Variants in XYLT1 observed in about 807,000 individuals in gnomAD.
XYLT1 encodes xylosyltransferase 1, also known as beta-D-xylosyltransferase 1.
Under a neutral mutation model 91.3 loss-of-function variants are expected in XYLT1, and 36 were observed. The observed-to-expected ratio is 0.39, with a 90% CI of 0.30 to 0.52. XYLT1 has a LOEUF of 0.52. Ranked by LOEUF, XYLT1 falls within the 20% of genes least tolerant of loss-of-function variation. XYLT1 has a pLI of 0.68. For missense variants in XYLT1, 1,242 were observed against 1,284.5 expected, an observed-to-expected ratio of 0.97 and a Z score of 0.51; for synonymous variants, 588 against 532.0, an observed-to-expected ratio of 1.11 and a Z score of -1.45.
At chr16:17,372,353 A>C (rs1467118962) in intron 1 of XYLT1, among the ~76,000 whole-genome samples, 1 of 152,234 alleles carries the variant, frequency 6.6e-6, no homozygotes, top group African/African-American at 2.4e-5. Context: ...CAGACTTCAA[A>C]AATTAAGGCT....
At chr16:17,204,554 G>A (rs192407999) in intron 3 of XYLT1, among the ~76,000 whole-genome samples, 69 of 152,172 alleles carry the variant, frequency 4.5e-4, no homozygotes, top group African/African-American at 1.7e-3. Flanking sequence ...GGATGGGGAT[G>A]GGGGGCAGAG....
Position 17,286,506 on chromosome 16 carries a change from A to G in XYLT1, c.403-27008T>C, listed in dbSNP as rs74010576. ...ACTGTCACTTTCTTAGCCCAGGTCA[A>G]CCTGTCACCCATGTGGATCCTTGAT... On this transcript the variant is annotated intron_variant, in intron 2 of 11. Transcript: ENST00000261381. 3.6e-3 allele frequency among the ~76,000 whole-genome samples: 548 copies of G among 152,288 alleles called. 2 individuals are homozygous for G. Among genetic ancestry groups the G allele is most frequent in the African/African-American group, 0.012 (506 of 41,566 alleles).
intron 5 of XYLT1, among the ~76,000 whole-genome samples, chr16:17,159,806 G>T (rs538071625): frequency 2.6e-5 from 4 of 152,208 alleles, no homozygotes; most frequent in Non-Finnish European, 1.5e-5. Flanking sequence ...ATCCGCTTGC[G>T]CATACAGCTG....
At chr16:17,221,687 T>A (rs1012292612) in intron 3 of XYLT1, among the ~76,000 whole-genome samples, 8 of 152,236 alleles carry the variant, frequency 5.3e-5, no homozygotes, top group Middle Eastern at 3.4e-3. Flanking sequence ...TGCAGTGAGC[T>A]ATGATCACGC....
chr16:17,166,819 C>T (rs1312185616), intron 5 of XYLT1, among the ~76,000 whole-genome samples: 1 of 152,034 alleles, frequency 6.6e-6, no homozygotes, highest in Non-Finnish European at 1.5e-5. Flanking sequence ...GGCCCATCAT[C>T]CACTTCTGTA....
At chr16:17,395,265 C>A (rs955278942) in intron 1 of XYLT1, among the ~76,000 whole-genome samples, 1 of 152,162 alleles carries the variant, frequency 6.6e-6, no homozygotes, top group African/African-American at 2.4e-5. Context: ...CAAGTCCCTC[C>A]TTTGGCACAT....
chr16:17,449,466 C>A (rs895793854), intron 1 of XYLT1, among the ~76,000 whole-genome samples: 2 of 152,234 alleles, frequency 1.3e-5, no homozygotes, highest in Admixed American at 1.3e-4. Flanking sequence ...CCCTGTCTGG[C>A]TGGTCTTCAG....
chr16:17,272,104 G>A (rs1297104286), intron 2 of XYLT1, among the ~76,000 whole-genome samples: 1 of 151,524 alleles, frequency 6.6e-6, no homozygotes, highest in Non-Finnish European at 1.5e-5. Context: ...TTGGGCAGTG[G>A]ATAGTCTTTG....
intron 1 of XYLT1, among the ~76,000 whole-genome samples, chr16:17,417,075 T>A (rs369238037): frequency 9.2e-5 from 14 of 152,248 alleles, no homozygotes; most frequent in African/African-American, 2.2e-4. Flanking sequence ...CGTAACTTTG[T>A]AAGCTCAGTT....
chr16:17,111,020 C>T (rs903312549), intron 11 of XYLT1, among the ~76,000 whole-genome samples: 3 of 152,036 alleles, frequency 2.0e-5, no homozygotes, highest in East Asian at 1.9e-4. Flanking sequence ...ATAAGCCGGG[C>T]GTGATGGCTG....
intron 9 of XYLT1, among the ~76,000 whole-genome samples, chr16:17,131,522 G>A (rs2030476431): frequency 6.6e-6 from 1 of 152,140 alleles, no homozygotes; most frequent in African/African-American, 2.4e-5. Context: ...CACCCTGCAG[G>A]GGGCACACTG....
At chr16:17,378,533 G>A (rs1478784457) in intron 1 of XYLT1, among the ~76,000 whole-genome samples, 2 of 152,142 alleles carry the variant, frequency 1.3e-5, no homozygotes, top group African/African-American at 4.8e-5. Context: ...CTAGCAAGAT[G>A]TCTCCTTCTA....
In XYLT1 at chr16:17,105,937, C is replaced by G. The variant is rs1966768157; in HGVS notation, c.*2758G>C. 6.6e-6 allele frequency: 1 copy of G among 151,016 alleles called. No homozygotes were observed. Among genetic ancestry groups the G allele is most frequent in the African/African-American group, 2.4e-5 (1 of 41,032 alleles). 9.4% of individuals were successfully genotyped at this position (151,016 alleles called of 1,614,324 possible). A position where few individuals can be genotyped will look rare whatever the true frequency, so the allele number is the denominator to read the frequency against. On this transcript the variant is annotated 3_prime_UTR_variant, in exon 12 of 12. Coordinates refer to ENST00000261381, the MANE Select transcript of XYLT1 (RefSeq NM_022166.4). Reference sequence around the variant, plus strand: ...TTTCCTTAAAAAAAAAAACAAAACACAAAAACACAACAAATGTAATATCTG... The same window carrying G: ...TTTCCTTAAAAAAAAAAACAAAACAGAAAAACACAACAAATGTAATATCTG...
chr16:17,293,785 G>A (rs574685692), intron 2 of XYLT1, among the ~76,000 whole-genome samples: 5 of 152,218 alleles, frequency 3.3e-5, no homozygotes, highest in Admixed American at 2.6e-4. Context: ...CACCACGCCC[G>A]GCCAGAATCT....
intron 1 of XYLT1, among the ~76,000 whole-genome samples, chr16:17,386,083 T>A (rs888003974): frequency 6.6e-6 from 1 of 152,192 alleles, no homozygotes; most frequent in South Asian, 2.1e-4. Context: ...GGAAAACCGG[T>A]ATCGCTTTAA....
chr16:17,289,835 AG>A (rs1233448917), intron 2 of XYLT1, among the ~76,000 whole-genome samples: 1 of 152,232 alleles, frequency 6.6e-6, no homozygotes, highest in Non-Finnish European at 1.5e-5. Flanking sequence ...GGAAAGTCTA[AG>A]AGCTGTTTCA....
At chr16:17,122,073 CA>C (rs2141489471) in intron 10 of XYLT1, among the ~76,000 whole-genome samples, 1 of 152,192 alleles carries the variant, frequency 6.6e-6, no homozygotes, top group African/African-American at 2.4e-5. Flanking sequence ...CATGCGTGTG[CA>C]AGAATCTTTT....
At chr16:17,109,924 C>G (rs559800661) in intron 11 of XYLT1, among the ~76,000 whole-genome samples, 2 of 152,150 alleles carry the variant, frequency 1.3e-5, no homozygotes, top group African/African-American at 4.8e-5. Context: ...AGAACAATCA[C>G]TCTGAAAGCA....
chr16:17,295,764 T>C (rs75739816), intron 2 of XYLT1, among the ~76,000 whole-genome samples: 67 of 152,294 alleles, frequency 4.4e-4, no homozygotes, highest in Non-Finnish European at 7.6e-4. Flanking sequence ...TACCAGCAAC[T>C]AGTGGGTAGA....
Sources: gnomAD v4.1 joint callset for allele counts (sites outside exome capture counted in the v4.1 genomes callset) on GRCh38, gnomAD v4.1.1 for gene constraint, MANE v1.5 for transcripts, NCBI Gene and HGNC (gene_info 2026-07-23, HGNC 2026-07-21) for gene names.